GAREM1: variants seen among roughly 807,000 people sequenced by gnomAD.
The protein encoded by GAREM1 is GRB2-associated and regulator of MAPK protein 1.
GAREM1 carries 26 observed loss-of-function variants against 71.3 expected under a neutral mutation model. That is an observed-to-expected ratio of 0.36 (90% CI 0.27 to 0.51). GAREM1 has a LOEUF of 0.51. Ranked by LOEUF, GAREM1 falls within the 20% of genes least tolerant of loss-of-function variation. The pLI, the probability that GAREM1 is intolerant of heterozygous loss-of-function variation, is 0.95. For synonymous variants in GAREM1, 440 were observed against 433.2 expected, an observed-to-expected ratio of 1.02 and a Z score of -0.20; for missense variants, 1,026 against 1,103.1, an observed-to-expected ratio of 0.93 and a Z score of 0.99.
intron 1 of GAREM1, chr18:32,412,453 C>A (rs2048429374): frequency 6.3e-7 from 1 of 1,590,066 alleles, no homozygotes; most frequent in Non-Finnish European, 8.5e-7. Context: ...TTAGAGCCAT[C>A]CCCACTGCCA....
intron 2 of GAREM1, among the ~76,000 whole-genome samples, chr18:32,358,116 C>T (rs544643829): frequency 2.3e-4 from 33 of 145,818 alleles, no homozygotes; most frequent in African/African-American, 8.4e-4. Flanking sequence ...ACTTACTCAG[C>T]TGAGCCCACC....
intron 4 of GAREM1, among the ~76,000 whole-genome samples, chr18:32,274,426 T>C (rs2041509874): frequency 6.6e-6 from 1 of 152,210 alleles, no homozygotes; most frequent in Non-Finnish European, 1.5e-5. Flanking sequence ...TTTTCCTTCA[T>C]ATTCAATTTA....
intron 1 of GAREM1, among the ~76,000 whole-genome samples, chr18:32,442,949 A>C (rs2048753394): frequency 1.3e-5 from 2 of 152,322 alleles, no homozygotes; most frequent in African/African-American, 2.4e-5. Context: ...AGAAAATTAA[A>C]ATTAATAACT....
intron 1 of GAREM1, among the ~76,000 whole-genome samples, chr18:32,419,779 T>C (rs1238835747): frequency 6.6e-6 from 1 of 152,132 alleles, no homozygotes; most frequent in Non-Finnish European, 1.5e-5. Context: ...CTATCACACA[T>C]GCTAATACAG....
At chr18:32,378,623 C>T (rs937994341) in intron 2 of GAREM1, among the ~76,000 whole-genome samples, 12 of 152,084 alleles carry the variant, frequency 7.9e-5, no homozygotes, top group African/African-American at 2.9e-4. Flanking sequence ...AGCCCTGGCA[C>T]TTGTGAGCTT....
intron 1 of GAREM1, among the ~76,000 whole-genome samples, chr18:32,447,040 G>C (rs2048791731): frequency 6.6e-6 from 1 of 152,198 alleles, no homozygotes; most frequent in African/African-American, 2.4e-5. Flanking sequence ...TATCCATAGA[G>C]AGCACTAATT....
intron 1 of GAREM1, among the ~76,000 whole-genome samples, chr18:32,427,789 A>G (rs1233363888): frequency 1.3e-5 from 2 of 152,218 alleles, no homozygotes; most frequent in Non-Finnish European, 2.9e-5. Context: ...CTAACCATAA[A>G]AAATGTGACC....
At chr18:32,437,933 T>C (rs2048694815) in intron 1 of GAREM1, among the ~76,000 whole-genome samples, 1 of 152,198 alleles carries the variant, frequency 6.6e-6, no homozygotes, top group Non-Finnish European at 1.5e-5. Context: ...TCTCATGATG[T>C]TCCATCTAAA....
At chr18:32,374,040 C>A (rs2048011073) in intron 2 of GAREM1, among the ~76,000 whole-genome samples, 1 of 152,198 alleles carries the variant, frequency 6.6e-6, no homozygotes, top group African/African-American at 2.4e-5. Flanking sequence ...TAAACTGAGA[C>A]ATGACTTGGT....
intron 3 of GAREM1, among the ~76,000 whole-genome samples, chr18:32,307,966 G>A (rs921787284): frequency 2.4e-4 from 37 of 152,078 alleles, no homozygotes; most frequent in African/African-American, 8.5e-4. Flanking sequence ...AAAACCTTTT[G>A]TGTATTTCTT....
intron 1 of GAREM1, among the ~76,000 whole-genome samples, chr18:32,396,869 C>T (rs4561543): frequency 0.25 from 37,439 of 151,846 alleles, 5,714 homozygotes; most frequent in African/African-American, 0.44. Context: ...TTCACCAAAG[C>T]TGAAATGAAG....
intron 2 of GAREM1, among the ~76,000 whole-genome samples, chr18:32,323,900 C>CA (rs2047452172): frequency 6.6e-6 from 1 of 150,770 alleles, no homozygotes; most frequent in East Asian, 1.9e-4. Flanking sequence ...AAGGGGAAAA[C>CA]AAAGGTGAAT....
intron 1 of GAREM1, among the ~76,000 whole-genome samples, chr18:32,409,398 T>C (rs1441189765): frequency 6.6e-6 from 1 of 152,240 alleles, no homozygotes. Flanking sequence ...CCAGAGACTA[T>C]AACCTTGAAC....
At chr18:32,453,980 G>T (rs1241129886) in intron 1 of GAREM1, among the ~76,000 whole-genome samples, 12 of 151,946 alleles carry the variant, frequency 7.9e-5, no homozygotes, top group Admixed American at 7.9e-4. Flanking sequence ...CTATAGGGGG[G>T]TGGGGTGAGT....
chr18:32,470,423 G>A lies in GAREM1; in HGVS notation c.6C>T (p.Asp2=). 1 of 1,509,842 alleles carries A rather than the reference G, an allele frequency of 6.6e-7. No individual in the cohort carries two copies. The highest frequency in any genetic ancestry group is 1.4e-5 in the African/African-American group (1 of 70,050). 93.5% of individuals were successfully genotyped at this position (1,509,842 alleles called of 1,614,324 possible). A position where few individuals can be genotyped will look rare whatever the true frequency, so the allele number is the denominator to read the frequency against. The part of the protein sequence containing the change: M[D]PAPSLGCSLK... ...GGCTGCAGCCCAGCGAGGGCGCCGG[G>A]TCCATCTTCCCCGAAGCCTCCTGTC... Residue 2 remains aspartate (D), a synonymous_variant, in exon 1 of 6, where the codon GAC becomes GAT. Coordinates refer to ENST00000269209, the MANE Select transcript of GAREM1 (RefSeq NM_001242409.2). This position sits in a 1 kb window ranked among gnomAD's most constrained non-coding sequence, Gnocchi z 4.4.
At chr18:32,391,481 A>C (rs2144657280) in intron 2 of GAREM1, among the ~76,000 whole-genome samples, 1 of 152,312 alleles carries the variant, frequency 6.6e-6, no homozygotes, top group South Asian at 2.1e-4. Flanking sequence ...ACTAAAACGT[A>C]ATTTCCTCAT....
At chr18:32,288,243 G>T (rs368201956) in intron 3 of GAREM1, 40 bp from the exon 4 acceptor site, 6 of 1,494,778 alleles carry the variant, frequency 4.0e-6, no homozygotes, top group African/African-American at 1.4e-5. Flanking sequence ...CATTTCCTTT[G>T]ATCTATTCAC....
chr18:32,348,862 T>G (rs564357996), intron 2 of GAREM1, among the ~76,000 whole-genome samples: 12 of 152,334 alleles, frequency 7.9e-5, no homozygotes, highest in African/African-American at 2.9e-4. Flanking sequence ...ATTTTGTTTC[T>G]TAGGTTAATT....
At chr18:32,364,137 C>T (rs1191044079) in intron 2 of GAREM1, among the ~76,000 whole-genome samples, 4 of 146,264 alleles carry the variant, frequency 2.7e-5, no homozygotes, top group East Asian at 2.0e-4. Flanking sequence ...CAGATTCATG[C>T]GATTCTCCTG....
Sources: gnomAD v4.1 joint callset for allele counts (sites outside exome capture counted in the v4.1 genomes callset) on GRCh38, gnomAD v4.1.1 for gene constraint, Gnocchi (gnomAD v3.1) non-coding constraint, MANE v1.5 for transcripts, NCBI Gene and HGNC (gene_info 2026-07-23, HGNC 2026-07-21) for gene names.